ESRRG: variants seen among roughly 807,000 people sequenced by gnomAD.
ESRRG encodes estrogen-related receptor gamma.
In ESRRG, 13 loss-of-function variants were observed where a neutral mutation model predicts 44.0. The observed-to-expected ratio is 0.30, with a 90% CI of 0.19 to 0.47. The LOEUF (loss-of-function observed/expected upper bound fraction) is 0.47, where lower values mean the gene tolerates loss of function less well. Ranked by LOEUF, ESRRG falls within the 20% of genes least tolerant of loss-of-function variation. The probability of loss-of-function intolerance (pLI) is 1.00; values close to 1 mark genes in which losing one functional copy is unlikely to be tolerated. For missense variants in ESRRG, 395 were observed against 580.6 expected, an observed-to-expected ratio of 0.68 and a Z score of 3.29; for synonymous variants, 215 against 214.6, an observed-to-expected ratio of 1.00 and a Z score of -0.02.
At chr1:217,103,127 T>C (rs1558264108) in intron 1 of ESRRG, among the ~76,000 whole-genome samples, 1 of 152,074 alleles carries the variant, frequency 6.6e-6, no homozygotes, top group Non-Finnish European at 1.5e-5. Context: ...TGAAGCTTGG[T>C]TTATAGAAAG....
intron 2 of ESRRG, among the ~76,000 whole-genome samples, chr1:216,818,143 T>G (rs184127625): frequency 1.5e-4 from 23 of 152,316 alleles, no homozygotes; most frequent in African/African-American, 5.5e-4. Flanking sequence ...AGGAATACAT[T>G]TATTCATCCC....
chr1:217,025,200 C>T (rs2080996049), intron 1 of ESRRG, among the ~76,000 whole-genome samples: 1 of 152,136 alleles, frequency 6.6e-6, no homozygotes, highest in African/African-American at 2.4e-5. Context: ...GAAAAGGCAT[C>T]CACAGAGTGC....
chr1:216,790,342 A>C (rs1280898435), intron 2 of ESRRG, among the ~76,000 whole-genome samples: 1 of 152,178 alleles, frequency 6.6e-6, no homozygotes, highest in Non-Finnish European at 1.5e-5. Context: ...TTTTGAGCCC[A>C]TTCCCCATCT....
chr1:216,551,531 T>TA (rs1187288607), intron 5 of ESRRG, among the ~76,000 whole-genome samples: 2 of 152,234 alleles, frequency 1.3e-5, no homozygotes, highest in South Asian at 4.1e-4. Flanking sequence ...ATTCTAACTA[T>TA]AAAAAATTGC....
intron 1 of ESRRG, among the ~76,000 whole-genome samples, chr1:216,994,071 G>C (rs12741622): frequency 0.17 from 25,189 of 152,044 alleles, 2,804 homozygotes; most frequent in Admixed American, 0.29. Flanking sequence ...GTGCATTTCT[G>C]AGAGTTCTTA....
intron 3 of ESRRG, among the ~76,000 whole-genome samples, chr1:216,575,006 C>A (rs963397287): frequency 1.3e-5 from 2 of 152,088 alleles, no homozygotes; most frequent in African/African-American, 4.8e-5. Context: ...ACAGAGAAAA[C>A]ACCCCTTAGA....
intron 1 of ESRRG, among the ~76,000 whole-genome samples, chr1:217,087,568 C>T (rs995581039): frequency 2.0e-5 from 3 of 152,106 alleles, no homozygotes; most frequent in African/African-American, 7.2e-5. Context: ...AGGCAATTCC[C>T]GGTAAAGAAG....
At chr1:216,762,133 C>T (rs2092812430) in intron 2 of ESRRG, among the ~76,000 whole-genome samples, 1 of 152,024 alleles carries the variant, frequency 6.6e-6, no homozygotes, top group Non-Finnish European at 1.5e-5. Context: ...TTGCCCAAGG[C>T]TCTGGAGCTA....
intron 1 of ESRRG, among the ~76,000 whole-genome samples, chr1:217,042,025 A>T: frequency 6.6e-6 from 1 of 152,160 alleles, no homozygotes; most frequent in East Asian, 1.9e-4. Flanking sequence ...TGCTGCTGTC[A>T]TCTTTTGATG....
At chr1:216,988,414 A>G (rs1473042625) in intron 1 of ESRRG, among the ~76,000 whole-genome samples, 3 of 152,202 alleles carry the variant, frequency 2.0e-5, no homozygotes, top group Non-Finnish European at 4.4e-5. Flanking sequence ...GTAATTTTCA[A>G]CCCTCAATGT....
intron 2 of ESRRG, among the ~76,000 whole-genome samples, chr1:216,883,854 CA>C (rs1463679981): frequency 1.1e-5 from 1 of 87,864 alleles, no homozygotes; most frequent in East Asian, 3.0e-4. Context: ...AATTCTTATT[CA>C]AATCTGGAAG....
chr1:217,047,898 T>G (rs1438407046), intron 1 of ESRRG, among the ~76,000 whole-genome samples: 1 of 152,148 alleles, frequency 6.6e-6, no homozygotes, highest in East Asian at 1.9e-4. Flanking sequence ...GCAATGGAAC[T>G]AGAGAAAAGA....
At chr1:216,768,130 A>G (rs2093177448) in intron 2 of ESRRG, among the ~76,000 whole-genome samples, 1 of 152,112 alleles carries the variant, frequency 6.6e-6, no homozygotes, top group Non-Finnish European at 1.5e-5. Context: ...TCCAGGTACT[A>G]TTCTCTGCAA....
chr1:216,982,539 C>A (rs1482899815), intron 1 of ESRRG, among the ~76,000 whole-genome samples: 5 of 151,916 alleles, frequency 3.3e-5, no homozygotes, highest in African/African-American at 1.2e-4. Flanking sequence ...TGGAGGGTGA[C>A]AAGGGCAATT....
intron 2 of ESRRG, among the ~76,000 whole-genome samples, chr1:216,827,833 G>A (rs576381620): frequency 6.6e-6 from 1 of 152,202 alleles, no homozygotes; most frequent in African/African-American, 2.4e-5. Flanking sequence ...AGGGAAATTG[G>A]GGAAGAGTAA....
At chr1:216,919,512 T>A (rs936036186) in intron 2 of ESRRG, among the ~76,000 whole-genome samples, 3 of 152,200 alleles carry the variant, frequency 2.0e-5, no homozygotes, top group African/African-American at 7.2e-5. Flanking sequence ...AATCCGTTGC[T>A]AGGTTAACAA....
intron 3 of ESRRG, among the ~76,000 whole-genome samples, chr1:216,598,132 C>A (rs185420098): frequency 6.6e-6 from 1 of 152,188 alleles, no homozygotes; most frequent in African/African-American, 2.4e-5. Flanking sequence ...CTTTGAGATA[C>A]ATGTTGACTT....
At chr1:216,715,097 C>G in intron 1 of ESRRG, 1 of 985,402 alleles carries the variant, frequency 1.0e-6, no homozygotes, top group Non-Finnish European at 1.2e-6. Context: ...CTGATGCTGT[C>G]TAGACTCCAA....
At position 216,877,210 on chromosome 1, in the gene ESRRG, A is replaced by G. The variant is rs115053284; in HGVS notation, c.-14+62372T>C. On this transcript the variant is annotated intron_variant, in intron 2 of 7. Coordinates refer to the ESRRG transcript ENST00000359162. ...ACTATACTATGAACTCCTTATGGAT[A>G]GTAATCATCTCTAACCCACCACCTG... 3.3e-3 allele frequency among the ~76,000 whole-genome samples: 497 copies of G among 152,232 alleles called. 3 individuals carry two copies. Among genetic ancestry groups the G allele is most frequent in the African/African-American group, 0.012 (481 of 41,554 alleles).
Sources: allele counts gnomAD v4.1 joint callset (sites outside exome capture counted in the v4.1 genomes callset), GRCh38; gene constraint gnomAD v4.1.1; transcripts MANE v1.5; gene names NCBI Gene and HGNC (gene_info 2026-07-23, HGNC 2026-07-21).